The following MAPRE3 variants were observed in gnomAD, a reference collection of about 807,000 sequenced individuals.
MAPRE3 encodes the protein microtubule-associated protein RP/EB family member 3.
In MAPRE3, 2 loss-of-function variants were observed where a neutral mutation model predicts 30.5. The observed-to-expected ratio is 0.07, with a 90% CI of 0.03 to 0.21. The LOEUF is 0.21. Ranked by LOEUF, MAPRE3 falls within the 10% of genes least tolerant of loss-of-function variation. MAPRE3 has a pLI of 1.00. For missense variants in MAPRE3, 204 were observed against 351.8 expected, an observed-to-expected ratio of 0.58 and a Z score of 3.36; for synonymous variants, 110 against 127.7, an observed-to-expected ratio of 0.86 and a Z score of 0.93.
chr2:27,021,300 G>A (rs1175400743), intron 1 of MAPRE3, among the ~76,000 whole-genome samples: 1 of 152,148 alleles, frequency 6.6e-6, no homozygotes, highest in African/African-American at 2.4e-5. Context: ...TGAGGAAGTC[G>A]GGTTCCAGGA....
At chr2:27,008,078 G>A (rs1389353386) in intron 1 of MAPRE3, among the ~76,000 whole-genome samples, 1 of 152,204 alleles carries the variant, frequency 6.6e-6, no homozygotes, top group Non-Finnish European at 1.5e-5. Context: ...TTAGATGGAT[G>A]TTTCTGAATC....
At chr2:26,971,202 A>G (rs1465626616) in intron 1 of MAPRE3, among the ~76,000 whole-genome samples, 8 of 151,926 alleles carry the variant, frequency 5.3e-5, no homozygotes, top group Non-Finnish European at 1.5e-5. Context: ...GCCTCTCTGG[A>G]TCTCCCCAGT....
At chr2:26,974,450 CTT>C (rs1665976310) in intron 1 of MAPRE3, among the ~76,000 whole-genome samples, 1 of 152,132 alleles carries the variant, frequency 6.6e-6, no homozygotes, top group Admixed American at 6.6e-5. Flanking sequence ...TATTTGAAGT[CTT>C]TTCTACTTCT....
At chr2:26,990,201 T>C (rs1666308671) in intron 1 of MAPRE3, among the ~76,000 whole-genome samples, 1 of 152,104 alleles carries the variant, frequency 6.6e-6, no homozygotes, top group Non-Finnish European at 1.5e-5. Flanking sequence ...CCAAGTGATT[T>C]TGATGCAGAC....
chr2:27,008,973 T>C (rs931736665), intron 1 of MAPRE3, among the ~76,000 whole-genome samples: 6 of 151,788 alleles, frequency 4.0e-5, no homozygotes, highest in African/African-American at 1.5e-4. Context: ...GATGATTTCA[T>C]GTATATAACG....
intron 1 of MAPRE3, among the ~76,000 whole-genome samples, chr2:27,011,500 C>G (rs1233533915): frequency 6.6e-6 from 1 of 152,198 alleles, no homozygotes; most frequent in African/African-American, 2.4e-5. Context: ...TGATGCCTCA[C>G]TGGGTGTTGA....
intron 1 of MAPRE3, among the ~76,000 whole-genome samples, chr2:26,977,705 C>T (rs979710155): frequency 1.3e-5 from 2 of 152,216 alleles, no homozygotes; most frequent in Non-Finnish European, 2.9e-5. Context: ...TAGGCCACTC[C>T]CCCTGTGCCA....
intron 1 of MAPRE3, among the ~76,000 whole-genome samples, chr2:26,980,026 T>C (rs1157331239): frequency 6.6e-6 from 1 of 151,978 alleles, no homozygotes; most frequent in Admixed American, 6.6e-5. Context: ...TCTCCAGAGG[T>C]CTTGCATGCA....
At chr2:26,988,440 A>G (rs1255037787) in intron 1 of MAPRE3, among the ~76,000 whole-genome samples, 5 of 152,102 alleles carry the variant, frequency 3.3e-5, no homozygotes, top group Non-Finnish European at 7.3e-5. Context: ...CATCATTGAA[A>G]TTTTTCAGCA....
intron 3 of MAPRE3, 107 bp from the exon 4 acceptor site, chr2:27,023,989 G>A (rs1023875043): frequency 2.6e-5 from 21 of 811,586 alleles, no homozygotes; most frequent in African/African-American, 5.1e-5. Flanking sequence ...GGTGGAGGAC[G>A]CTGCAGCCCA....
At chr2:27,014,009 T>G (rs1176595493) in intron 1 of MAPRE3, 5 of 152,206 alleles carry the variant, frequency 3.3e-5, no homozygotes, top group Non-Finnish European at 7.3e-5. Context: ...AGGCAGCGAA[T>G]GGCAAAGCCT....
intron 1 of MAPRE3, among the ~76,000 whole-genome samples, chr2:27,017,755 C>T (rs1392249136): frequency 6.6e-6 from 1 of 152,130 alleles, no homozygotes; most frequent in African/African-American, 2.4e-5. Flanking sequence ...GGCTGTGGTT[C>T]TCATACAGGG....
intron 1 of MAPRE3, among the ~76,000 whole-genome samples, chr2:26,995,829 G>GTGTGTGTGTGTGTGTGTGTGTGTA (rs1335864863): frequency 6.8e-6 from 1 of 147,008 alleles, no homozygotes; most frequent in African/African-American, 2.6e-5. Flanking sequence ...GTGTGTGTGT[G>GTGTGTGTGTGTGTGTGTGTGTGTA]TATGTGTGTG....
intron 1 of MAPRE3, among the ~76,000 whole-genome samples, chr2:26,989,363 T>C (rs1558374180): frequency 6.6e-6 from 1 of 152,026 alleles, no homozygotes; most frequent in African/African-American, 2.4e-5. Flanking sequence ...ATACACTGCC[T>C]CGATTAATAA....
chr2:27,025,534 G>A (rs374260721), intron 4 of MAPRE3, 49 bp from the exon 5 acceptor site: 29 of 1,523,530 alleles, frequency 1.9e-5, no homozygotes, highest in African/African-American at 1.5e-4. Context: ...CTCCTGCCAC[G>A]TGCGCTGTGG....
intron 1 of MAPRE3, among the ~76,000 whole-genome samples, chr2:26,990,109 T>C (rs1439635382): frequency 1.3e-5 from 2 of 151,930 alleles, no homozygotes; most frequent in Non-Finnish European, 2.9e-5. Flanking sequence ...AGCCCAGGAG[T>C]GTGAGGCTGC....
At chr2:26,988,794 A>G (rs1331964791) in intron 1 of MAPRE3, among the ~76,000 whole-genome samples, 1 of 152,224 alleles carries the variant, frequency 6.6e-6, no homozygotes, top group Non-Finnish European at 1.5e-5. Context: ...GTAATAGGCC[A>G]GTCACCTATG....
At chr2:27,018,192 C>T (rs1667028634) in intron 1 of MAPRE3, among the ~76,000 whole-genome samples, 4 of 152,204 alleles carry the variant, frequency 2.6e-5, no homozygotes, top group Admixed American at 2.0e-4. Context: ...CTACTCCTTG[C>T]CCCCAGAACC....
At chr2:26,997,098 GA>G (rs776954880) in intron 1 of MAPRE3, among the ~76,000 whole-genome samples, 7 of 151,058 alleles carry the variant, frequency 4.6e-5, no homozygotes, top group African/African-American at 9.7e-5. Flanking sequence ...GAAGATATTT[GA>G]AAAAAAAATT....
Sources: allele counts gnomAD v4.1 joint callset (sites outside exome capture counted in the v4.1 genomes callset), GRCh38; gene constraint gnomAD v4.1.1; transcripts MANE v1.5; gene names NCBI Gene and HGNC (gene_info 2026-07-23, HGNC 2026-07-21).